Variants in TENM2 observed in about 807,000 individuals in gnomAD.
The protein encoded by TENM2 is teneurin transmembrane protein 2.
TENM2 carries 52 observed loss-of-function variants against 245.2 expected under a neutral mutation model. That is an observed-to-expected ratio of 0.21 (90% CI 0.17 to 0.27). The LOEUF (loss-of-function observed/expected upper bound fraction) is 0.27. TENM2 is among the 10% of genes least tolerant of loss of function. The pLI is 1.00. For missense variants in TENM2, 3,046 were observed against 3,666.8 expected (o/e 0.83, Z 4.37); for synonymous variants, 1,363 against 1,438.9 (o/e 0.95, Z 1.19).
intron 2 of TENM2, among the ~76,000 whole-genome samples, chr5:167,746,714 A>AGAGAGAGAGAGAGC (rs1761608904): frequency 2.7e-5 from 4 of 149,700 alleles, no homozygotes; most frequent in Non-Finnish European, 5.9e-5. Flanking sequence ...AGAGAGAGAG[A>AGAGAGAGAGAGAGC]GCTGGACTCT....
chr5:167,326,160 A>G (rs1757064408), intron 1 of TENM2, among the ~76,000 whole-genome samples: 1 of 152,178 alleles, frequency 6.6e-6, no homozygotes, highest in Non-Finnish European at 1.5e-5. Flanking sequence ...GAGAAAGGTC[A>G]GTGGGGCTGG....
At chr5:167,133,981 A>G in the TENM2 span, among the ~76,000 whole-genome samples, 17 of 152,356 alleles carry the variant, frequency 1.1e-4, no homozygotes, top group Non-Finnish European at 2.2e-4. Context: ...CAAAACCTCT[A>G]TAGAGTGTTC....
the TENM2 span, among the ~76,000 whole-genome samples, chr5:167,015,110 T>C: frequency 6.6e-6 from 1 of 152,230 alleles, no homozygotes; most frequent in Non-Finnish European, 1.5e-5. Context: ...TACTAGGCTC[T>C]CAATAAACAT....
At chr5:167,734,737 T>G (rs946367340) in intron 2 of TENM2, among the ~76,000 whole-genome samples, 1 of 152,060 alleles carries the variant, frequency 6.6e-6, no homozygotes, top group Non-Finnish European at 1.5e-5. Flanking sequence ...ATGGGGGCAA[T>G]TAAACACTGA....
rs1774863031 is a variant in TENM2, at chr5:167,578,461, T to TG, written c.502+202989dup. Reference sequence around the variant, plus strand: ...TGCAATTTCTTGTTTGTACTGCAGATGTCATGCCCTCATTAGACAGGGATT... The same window carrying TG: ...TGCAATTTCTTGTTTGTACTGCAGATGGTCATGCCCTCATTAGACAGGGATT... On this transcript the variant is annotated intron_variant, in intron 2 of 28. Coordinates refer to ENST00000518659, the Ensembl canonical transcript of TENM2. 2.6e-5 allele frequency among the ~76,000 whole-genome samples: 4 copies of TG among 152,230 alleles called. No individual in the cohort carries two copies. The South Asian group carries it at 8.3e-4, about 32-fold the overall frequency.
intron 2 of TENM2, among the ~76,000 whole-genome samples, chr5:167,428,065 TC>T (rs1346328800): frequency 2.0e-5 from 3 of 152,186 alleles, no homozygotes; most frequent in Non-Finnish European, 4.4e-5. Context: ...TTTTCTCTAT[TC>T]CCTCCTTTTT....
intron 2 of TENM2, among the ~76,000 whole-genome samples, chr5:167,484,428 G>A (rs771260412): frequency 1.1e-4 from 16 of 152,014 alleles, no homozygotes; most frequent in African/African-American, 1.9e-4. Context: ...ACAATGTGAC[G>A]AGATCTAGGG....
rs374343998 is a variant in TENM2 at position 167,515,981 on chromosome 5, T to C, written c.502+140508T>C. On this transcript the variant is annotated intron_variant, in intron 2 of 28. Coordinates refer to ENST00000518659, the Ensembl canonical transcript of TENM2. ...ATGAACTCTCTACCAGTCTTTGCTG[T>C]GAAGTAACTAAAATATTAGCCTGAG... Among the ~76,000 whole-genome samples the C allele has an allele frequency of 7.9e-5, 12 of 152,264 alleles. 1 individual carries two copies. The East Asian group carries it at 2.3e-3, about 29-fold the overall frequency.
At chr5:167,423,302 T>C (rs1648311425) in intron 2 of TENM2, among the ~76,000 whole-genome samples, 1 of 152,156 alleles carries the variant, frequency 6.6e-6, no homozygotes, top group Middle Eastern at 3.2e-3. Flanking sequence ...TAATGAGGGC[T>C]TTGCCACGCC....
the TENM2 span, among the ~76,000 whole-genome samples, chr5:167,243,472 A>G: frequency 1.3e-5 from 2 of 151,820 alleles, no homozygotes; most frequent in Admixed American, 6.6e-5. Context: ...GAGCCATGGG[A>G]AAAAAGAAAA....
At chr5:167,713,848 CT>C (rs1394467842) in intron 2 of TENM2, among the ~76,000 whole-genome samples, 2 of 152,164 alleles carry the variant, frequency 1.3e-5, no homozygotes, top group African/African-American at 4.8e-5. Flanking sequence ...TCTCATTTCC[CT>C]TTTCCCCTTC....
chr5:168,163,736 C>G (rs1256133070), intron 13 of TENM2, among the ~76,000 whole-genome samples: 1 of 152,212 alleles, frequency 6.6e-6, no homozygotes, highest in Non-Finnish European at 1.5e-5. Flanking sequence ...CTCTAAATTA[C>G]AAAGTTTTCC....
chr5:167,961,427 A>G (rs1261331268), intron 4 of TENM2, among the ~76,000 whole-genome samples: 1 of 152,206 alleles, frequency 6.6e-6, no homozygotes, highest in Non-Finnish European at 1.5e-5. Context: ...GAGTTTGTTA[A>G]TTAGTCAGCC....
At chr5:167,053,805 A>G in the TENM2 span, among the ~76,000 whole-genome samples, 1 of 152,196 alleles carries the variant, frequency 6.6e-6, no homozygotes, top group Non-Finnish European at 1.5e-5. Context: ...CCTCATTATT[A>G]TATAAGGTTG....
At chr5:168,088,738 A>G (rs1430514539) in intron 7 of TENM2, among the ~76,000 whole-genome samples, 1 of 152,248 alleles carries the variant, frequency 6.6e-6, no homozygotes, top group Admixed American at 6.5e-5. Flanking sequence ...AGTAAGTGAC[A>G]GAGTCAGAAT....
chr5:168,169,229 C>T (rs936561375), intron 13 of TENM2, among the ~76,000 whole-genome samples: 16 of 152,172 alleles, frequency 1.1e-4, no homozygotes, highest in African/African-American at 3.6e-4. Flanking sequence ...GCCACAAATC[C>T]GTGTGATCAG....
chr5:167,423,129 A>G (rs1278642570), intron 2 of TENM2, among the ~76,000 whole-genome samples: 1 of 152,054 alleles, frequency 6.6e-6, no homozygotes, highest in Non-Finnish European at 1.5e-5. Flanking sequence ...ACACATTGTT[A>G]GTGTCACCCA....
intron 2 of TENM2, among the ~76,000 whole-genome samples, chr5:167,618,485 C>A (rs749592302): frequency 6.6e-6 from 1 of 152,068 alleles, no homozygotes; most frequent in Non-Finnish European, 1.5e-5. Context: ...TTGTCTTCAC[C>A]GGACATGTTA....
At chr5:167,862,654 A>G (rs1333918798) in intron 2 of TENM2, among the ~76,000 whole-genome samples, 1 of 152,160 alleles carries the variant, frequency 6.6e-6, no homozygotes, top group Non-Finnish European at 1.5e-5. Context: ...GTCCTAAGTG[A>G]GCCTTCAGAG....
Sources: allele counts gnomAD v4.1 joint callset (sites outside exome capture counted in the v4.1 genomes callset), GRCh38; gene constraint gnomAD v4.1.1; transcripts MANE v1.5; gene names NCBI Gene and HGNC (gene_info 2026-07-23, HGNC 2026-07-21).